Variants in PRKN observed in about 807,000 individuals in gnomAD.
PRKN encodes parkin RBR E3 ubiquitin protein ligase.
A neutral mutation model predicts 59.5 loss-of-function variants in PRKN; 56 were observed. The ratio of observed to expected loss-of-function variants is 0.94; its 90% CI spans 0.76 to 1.18. The LOEUF is 1.18. PRKN is among the 50% of genes most tolerant of loss of function. The probability of loss-of-function intolerance (pLI) is 0.00; values close to 1 mark genes in which losing one functional copy is unlikely to be tolerated. For missense variants in PRKN, 657 were observed against 596.4 expected, an observed-to-expected ratio of 1.10 and a Z score of -1.06; for synonymous variants, 250 against 222.1, an observed-to-expected ratio of 1.13 and a Z score of -1.12.
intron 1 of PRKN, among the ~76,000 whole-genome samples, chr6:162,701,685 ACT>A (rs1219256885): frequency 3.3e-5 from 5 of 151,192 alleles, no homozygotes; most frequent in Non-Finnish European, 7.4e-5. Context: ...AGCTTTCTTC[ACT>A]CTCTTTTTTT....
intron 7 of PRKN, among the ~76,000 whole-genome samples, chr6:161,672,574 G>A (rs930582732): frequency 4.6e-5 from 7 of 152,134 alleles, no homozygotes; most frequent in African/African-American, 1.2e-4. Context: ...TCAGGAGTTC[G>A]AGACCAGCCT....
rs1218223014 is a variant in PRKN, at chr6:162,002,530, TCTTA to T, written c.619-29117_619-29114del. Among the ~76,000 whole-genome samples the T allele has an allele frequency of 3.3e-5, 5 of 152,094 alleles. 1 individual carries two copies. Among genetic ancestry groups the T allele is most frequent in the African/African-American group, 9.7e-5 (4 of 41,446 alleles). ...CAATGTTAGTAATTTGTGTTTCCTT[TCTTA>T]CTTAACATGGATAGTCTTATTGATT... is the stretch of plus-strand genomic sequence containing the variant. On this transcript the variant is annotated intron_variant, in intron 5 of 11. Coordinates refer to ENST00000366898, the MANE Select transcript of PRKN (RefSeq NM_004562.3).
At chr6:161,966,217 G>A (rs1215028423) in intron 6 of PRKN, among the ~76,000 whole-genome samples, 1 of 152,060 alleles carries the variant, frequency 6.6e-6, no homozygotes, top group South Asian at 2.1e-4. Flanking sequence ...GAGAATATAC[G>A]AATTGTAGGG....
At chr6:162,233,421 C>T (rs1443304722) in intron 3 of PRKN, among the ~76,000 whole-genome samples, 1 of 151,992 alleles carries the variant, frequency 6.6e-6, no homozygotes, top group African/African-American at 2.4e-5. Flanking sequence ...TATGCACATA[C>T]AAGATGTTCA....
intron 7 of PRKN, among the ~76,000 whole-genome samples, chr6:161,679,459 G>C (rs1785217924): frequency 6.6e-6 from 1 of 151,890 alleles, no homozygotes; most frequent in Non-Finnish European, 1.5e-5. Flanking sequence ...CTGGCAACAA[G>C]GACTGGGAAT....
At chr6:162,372,393 C>T (rs202101966) in intron 2 of PRKN, among the ~76,000 whole-genome samples, 3 of 152,248 alleles carry the variant, frequency 2.0e-5, no homozygotes, top group African/African-American at 7.2e-5. Flanking sequence ...GCTCCATTCA[C>T]GGCGCTGAGT....
intron 1 of PRKN, among the ~76,000 whole-genome samples, chr6:162,716,988 G>A (rs917432484): frequency 1.2e-4 from 18 of 152,128 alleles, no homozygotes; most frequent in South Asian, 4.1e-4. Context: ...TGAAACCTAC[G>A]ACTGTTTCCC....
In PRKN at chr6:162,422,807, A is replaced by G. The variant is rs142465172; in HGVS notation, c.171+20503T>C. Reference sequence around the variant, plus strand: ...TAAAATACAAAAAAATTAGCTGGACATGATGGCGTGCACCAGTAGTCCCAG... The same window carrying G: ...TAAAATACAAAAAAATTAGCTGGACGTGATGGCGTGCACCAGTAGTCCCAG... On this transcript the variant is annotated intron_variant, in intron 2 of 11. Transcript: ENST00000366898. Among the ~76,000 whole-genome samples, 265 of 152,150 alleles carry G rather than the reference A, an allele frequency of 1.7e-3. 4 individuals are homozygous for G. In the South Asian group the frequency reaches 0.02, roughly 12 times the overall value.
chr6:162,506,781 C>G (rs1793627988), intron 1 of PRKN, among the ~76,000 whole-genome samples: 1 of 152,154 alleles, frequency 6.6e-6, no homozygotes, highest in South Asian at 2.1e-4. Flanking sequence ...CTCCATCCAG[C>G]ACCAGCTTGG....
At chr6:162,037,793 C>T (rs1407006587) in intron 5 of PRKN, among the ~76,000 whole-genome samples, 2 of 152,026 alleles carry the variant, frequency 1.3e-5, no homozygotes, top group Non-Finnish European at 2.9e-5. Flanking sequence ...GATCCACCCG[C>T]CTCAGCCTCC....
At position 162,197,689 on chromosome 6, in the gene PRKN, T is replaced by C. The variant is rs184977277; in HGVS notation, c.534+3442A>G. Among the ~76,000 whole-genome samples the C allele has an allele frequency of 3.7e-3, 570 of 152,158 alleles. 7 individuals are homozygous for C. The highest frequency in any genetic ancestry group is 0.01 in the Middle Eastern group (3 of 294). On this transcript the variant is annotated intron_variant, in intron 4 of 11. Coordinates refer to ENST00000366898, the MANE Select transcript of PRKN (RefSeq NM_004562.3). The stretch of plus-strand genomic sequence containing the variant: ...TCTTTGTAAAAACACTGGATGAGAA[T>C]TGGAGAAAAATAGAAATACAAGAAT...
intron 6 of PRKN, among the ~76,000 whole-genome samples, chr6:161,854,502 G>A (rs1339858062): frequency 1.3e-5 from 2 of 152,068 alleles, no homozygotes; most frequent in African/African-American, 4.8e-5. Context: ...AAGTAGGTAG[G>A]TGTACTTACC....
chr6:162,479,028 AC>A (rs1412443558), intron 1 of PRKN, among the ~76,000 whole-genome samples: 4 of 152,144 alleles, frequency 2.6e-5, no homozygotes, highest in Admixed American at 6.6e-5. Flanking sequence ...TTAGAAAAAA[AC>A]ATTTCCTTTC....
At chr6:161,690,204 T>A (rs748821670) in intron 7 of PRKN, among the ~76,000 whole-genome samples, 18 of 152,146 alleles carry the variant, frequency 1.2e-4, no homozygotes, top group Non-Finnish European at 2.1e-4. Context: ...TCTACCAGAC[T>A]TTTTACTGTC....
intron 4 of PRKN, among the ~76,000 whole-genome samples, chr6:162,190,727 T>C (rs1170069339): frequency 6.6e-6 from 1 of 152,172 alleles, no homozygotes; most frequent in South Asian, 2.1e-4. Context: ...GCCCCGCACA[T>C]TTTATCACTG....
At chr6:161,658,536 G>A (rs1332933132) in intron 7 of PRKN, among the ~76,000 whole-genome samples, 2 of 152,184 alleles carry the variant, frequency 1.3e-5, no homozygotes, top group Non-Finnish European at 2.9e-5. Context: ...CTCTGCAACA[G>A]GATCTGGATA....
intron 7 of PRKN, among the ~76,000 whole-genome samples, chr6:161,638,680 T>TG: frequency 6.6e-6 from 1 of 150,416 alleles, no homozygotes; most frequent in East Asian, 2.0e-4. Context: ...AATTTAACCA[T>TG]GGGGGCAGTT....
At chr6:161,431,595 CTTTCT>C (rs560147973) in intron 9 of PRKN, among the ~76,000 whole-genome samples, 6 of 151,302 alleles carry the variant, frequency 4.0e-5, no homozygotes, top group Non-Finnish European at 8.9e-5. Context: ...TTCTTTCTTT[CTTTCT>C]TTTCTTTTCT....
chr6:161,434,345 G>A (rs771208997), intron 9 of PRKN, among the ~76,000 whole-genome samples: 2 of 152,076 alleles, frequency 1.3e-5, no homozygotes, highest in Non-Finnish European at 2.9e-5. Flanking sequence ...TTTTTCCTCT[G>A]CCATTATCCC....
Sources: allele counts gnomAD v4.1 joint callset (sites outside exome capture counted in the v4.1 genomes callset), GRCh38; gene constraint gnomAD v4.1.1; transcripts MANE v1.5; gene names NCBI Gene and HGNC (gene_info 2026-07-23, HGNC 2026-07-21).